Variants in ST6GALNAC3 observed in about 807,000 individuals in gnomAD.
The protein encoded by ST6GALNAC3 is ST6 N-acetylgalactosaminide alpha-2,6-sialyltransferase 3.
In ST6GALNAC3, 25 loss-of-function variants were observed where a neutral mutation model predicts 32.7. The ratio of observed to expected loss-of-function variants is 0.76; its 90% CI spans 0.56 to 1.07. ST6GALNAC3 has a LOEUF of 1.07. Among genes scored for constraint, ST6GALNAC3 ranks in the 50% least tolerant of loss-of-function variants. The pLI is 0.00. For synonymous variants in ST6GALNAC3, 129 were observed against 133.1 expected (o/e 0.97, Z 0.21); for missense variants, 355 against 382.4 (o/e 0.93, Z 0.60).
At chr1:76,518,917 A>T (rs986899360) in intron 3 of ST6GALNAC3, among the ~76,000 whole-genome samples, 9 of 152,086 alleles carry the variant, frequency 5.9e-5, no homozygotes, top group African/African-American at 2.2e-4. Flanking sequence ...ATACAAAAAA[A>T]TTAGCCAAGC....
intron 1 of ST6GALNAC3, among the ~76,000 whole-genome samples, chr1:76,250,656 GCTCT>G (rs147289045): frequency 1.5e-4 from 23 of 150,746 alleles, no homozygotes; most frequent in African/African-American, 4.4e-4. Context: ...TATCTAACTG[GCTCT>G]CTCTCTCTCT....
chr1:76,126,916 C>T (rs1050258682), intron 1 of ST6GALNAC3, among the ~76,000 whole-genome samples: 2 of 152,182 alleles, frequency 1.3e-5, no homozygotes, highest in African/African-American at 4.8e-5. Flanking sequence ...TTGTCTCAGC[C>T]TTCTTGAGTC....
chr1:76,544,108 AAAT>A (rs1664153752), intron 3 of ST6GALNAC3, among the ~76,000 whole-genome samples: 1 of 150,774 alleles, frequency 6.6e-6, no homozygotes, highest in Admixed American at 6.6e-5. Flanking sequence ...TATGAAATTT[AAAT>A]TGAGCTACGT....
chr1:76,138,989 T>C (rs1293208803), intron 1 of ST6GALNAC3, among the ~76,000 whole-genome samples: 2 of 152,100 alleles, frequency 1.3e-5, no homozygotes, highest in Non-Finnish European at 2.9e-5. Flanking sequence ...GGTCAGGAGA[T>C]CGAGACCATC....
At chr1:76,583,966 C>T in intron 3 of ST6GALNAC3, among the ~76,000 whole-genome samples, 1 of 152,040 alleles carries the variant, frequency 6.6e-6, no homozygotes, top group African/African-American at 2.4e-5. Flanking sequence ...TTCTGTTCCT[C>T]ACCACCACTC....
At chr1:76,194,344 C>A (rs953363396) in intron 1 of ST6GALNAC3, among the ~76,000 whole-genome samples, 1 of 152,074 alleles carries the variant, frequency 6.6e-6, no homozygotes, top group South Asian at 2.1e-4. Flanking sequence ...TCAAACCTTG[C>A]GTTTTAGGAC....
intron 2 of ST6GALNAC3, among the ~76,000 whole-genome samples, chr1:76,325,902 ACTT>A (rs2100939068): frequency 6.6e-6 from 1 of 151,660 alleles, no homozygotes; most frequent in African/African-American, 2.4e-5. Context: ...TATTAGACCT[ACTT>A]CTTTTTGCTC....
intron 3 of ST6GALNAC3, among the ~76,000 whole-genome samples, chr1:76,502,310 CTT>C (rs1661223286): frequency 1.3e-5 from 2 of 152,160 alleles, no homozygotes; most frequent in Admixed American, 1.3e-4. Context: ...CATAAACCAC[CTT>C]TTGAGGTAAC....
At chr1:76,504,135 T>C (rs1057500848) in intron 3 of ST6GALNAC3, among the ~76,000 whole-genome samples, 1 of 152,136 alleles carries the variant, frequency 6.6e-6, no homozygotes, top group African/African-American at 2.4e-5. Flanking sequence ...GTCAGCAATG[T>C]TGGTTTCTTC....
chr1:76,488,915 A>G (rs944724989), intron 3 of ST6GALNAC3, among the ~76,000 whole-genome samples: 8 of 152,224 alleles, frequency 5.3e-5, no homozygotes, highest in Admixed American at 4.6e-4. Context: ...GGCAAGCTCC[A>G]CTCATAGAAA....
intron 3 of ST6GALNAC3, among the ~76,000 whole-genome samples, chr1:76,448,642 TG>T (rs920439339): frequency 6.6e-6 from 1 of 152,166 alleles, no homozygotes; most frequent in Non-Finnish European, 1.5e-5. Context: ...CATGCTGTTC[TG>T]GTGATAGTAA....
intron 3 of ST6GALNAC3, among the ~76,000 whole-genome samples, chr1:76,568,144 A>G (rs959488411): frequency 2.0e-5 from 3 of 152,166 alleles, no homozygotes; most frequent in African/African-American, 7.2e-5. Flanking sequence ...CTTGTCTACT[A>G]CATCATTCCA....
intron 1 of ST6GALNAC3, among the ~76,000 whole-genome samples, chr1:76,075,252 G>A (rs1170136570): frequency 6.6e-6 from 1 of 152,196 alleles, no homozygotes. Context: ...GAGGGGTGGA[G>A]TGGCTAGGCG....
rs143334217 is a variant in ST6GALNAC3 at position 76,575,418 on chromosome 1, C to T, written c.624-52034C>T. On this transcript the variant is annotated intron_variant, in intron 3 of 4. Coordinates refer to ENST00000328299, the MANE Select transcript of ST6GALNAC3 (RefSeq NM_152996.4). ...TCACCAAACATGCATTGAGCACTCACGCTGTATCAGACACAATCGTTAGTA... is the reference window on the plus strand; with the variant it reads ...TCACCAAACATGCATTGAGCACTCATGCTGTATCAGACACAATCGTTAGTA... 3.9e-5 allele frequency among the ~76,000 whole-genome samples: 6 copies of T among 152,194 alleles called. No individual in the cohort carries two copies. In the East Asian group the frequency reaches 9.7e-4, roughly 24 times the overall value.
At chr1:76,488,663 ACCC>A (rs1228780159) in intron 3 of ST6GALNAC3, among the ~76,000 whole-genome samples, 1 of 152,034 alleles carries the variant, frequency 6.6e-6, no homozygotes, top group Non-Finnish European at 1.5e-5. Flanking sequence ...TGGCCCTTTG[ACCC>A]CCACTAGTCA....
intron 1 of ST6GALNAC3, among the ~76,000 whole-genome samples, chr1:76,274,908 G>T (rs1333698913): frequency 6.6e-6 from 1 of 152,198 alleles, no homozygotes; most frequent in Non-Finnish European, 1.5e-5. Flanking sequence ...CCTGGCAGAA[G>T]ACCATTTCTT....
chr1:76,404,645 G>A (rs1418175547), intron 2 of ST6GALNAC3, among the ~76,000 whole-genome samples: 2 of 152,038 alleles, frequency 1.3e-5, no homozygotes, highest in Non-Finnish European at 2.9e-5. Context: ...GGAAGAGCAG[G>A]GGAATAAATG....
chr1:76,494,550 A>ACACAC (rs1660718850), intron 3 of ST6GALNAC3, among the ~76,000 whole-genome samples: 1 of 63,810 alleles, frequency 1.6e-5, no homozygotes, highest in Admixed American at 1.9e-4. Flanking sequence ...CATGTGTATA[A>ACACAC]ACACACACAC....
chr1:76,339,162 C>T (rs1444008244), intron 2 of ST6GALNAC3, among the ~76,000 whole-genome samples: 3 of 152,180 alleles, frequency 2.0e-5, no homozygotes, highest in African/African-American at 7.2e-5. Flanking sequence ...TGCTCACATC[C>T]TAATTCCTGG....
Sources: allele counts gnomAD v4.1 joint callset (sites outside exome capture counted in the v4.1 genomes callset), GRCh38; gene constraint gnomAD v4.1.1; transcripts MANE v1.5; gene names NCBI Gene and HGNC (gene_info 2026-07-23, HGNC 2026-07-21).